Variants in AOAH observed in about 807,000 individuals in gnomAD.
The protein encoded by AOAH is acyloxyacyl hydrolase (neutrophil).
A neutral mutation model predicts 92.2 loss-of-function variants in AOAH; 64 were observed. That is an observed-to-expected ratio of 0.69 (90% CI 0.57 to 0.86). The LOEUF is 0.86. Among genes scored for constraint, AOAH ranks in the 40% least tolerant of loss-of-function variants. AOAH has a pLI of 0.00. For missense variants in AOAH, 656 were observed against 694.6 expected, an observed-to-expected ratio of 0.94 and a Z score of 0.62; for synonymous variants, 263 against 254.5, an observed-to-expected ratio of 1.03 and a Z score of -0.32.
chr7:36,656,023 G>C (rs1256076596), intron 4 of AOAH, among the ~76,000 whole-genome samples: 1 of 152,224 alleles, frequency 6.6e-6, no homozygotes, highest in Non-Finnish European at 1.5e-5. Flanking sequence ...TGGAAGGACA[G>C]AGTGAGAAAT....
chr7:36,560,912 A>G (rs1312657094), intron 13 of AOAH, among the ~76,000 whole-genome samples: 2 of 151,802 alleles, frequency 1.3e-5, no homozygotes, highest in African/African-American at 4.8e-5. Context: ...TCCTTTACCT[A>G]CTCCATCCAT....
chr7:36,535,395 G>T (rs571501378), intron 16 of AOAH, among the ~76,000 whole-genome samples: 2 of 152,288 alleles, frequency 1.3e-5, no homozygotes, highest in South Asian at 2.1e-4. Flanking sequence ...TACCAACAAA[G>T]ATCAGGCACA....
intron 3 of AOAH, among the ~76,000 whole-genome samples, chr7:36,669,981 G>A (rs887135557): frequency 1.3e-5 from 2 of 152,192 alleles, no homozygotes; most frequent in African/African-American, 4.8e-5. Context: ...TCACTGGCTG[G>A]GATTGAGCTG....
chr7:36,529,758 A>C (rs1050424973), intron 19 of AOAH, among the ~76,000 whole-genome samples: 1 of 152,232 alleles, frequency 6.6e-6, no homozygotes, highest in African/African-American at 2.4e-5. Context: ...ACAGTCAATA[A>C]GCAATAATTT....
rs190260323 is a variant in AOAH, at chr7:36,527,756, G to A, written c.1522+2662C>T. Among the ~76,000 whole-genome samples, 3 of 152,320 alleles carry A rather than the reference G, an allele frequency of 2.0e-5. No homozygotes were observed. The East Asian group carries it at 5.8e-4, about 29-fold the overall frequency. ...ACCCAGCTATTCTGTGTCTGAGCTG[G>A]AATAGGAAGACAGTTGTAAATTCTG... On this transcript the variant is annotated intron_variant, in intron 19 of 20. Transcript: ENST00000617537.
chr7:36,562,325 T>G (rs1039143849), intron 13 of AOAH, among the ~76,000 whole-genome samples: 1 of 152,184 alleles, frequency 6.6e-6, no homozygotes, highest in Admixed American at 6.5e-5. Context: ...AAATACGGAC[T>G]GCAGCAAGAA....
At position 36,530,532 on chromosome 7, in the gene AOAH, A is replaced by G; in HGVS notation, c.1426-18T>C. 1.3e-6 allele frequency: 2 copies of G among 1,552,098 alleles called. No individual in the cohort carries two copies. Among genetic ancestry groups the G allele is most frequent in the Non-Finnish European group, 1.8e-6 (2 of 1,124,904 alleles). On this transcript the variant is annotated intron_variant, in intron 18 of 20. Coordinates refer to ENST00000617537, the MANE Select transcript of AOAH (RefSeq NM_001637.4). ...TCTGCTCTCTGAAGAGAGAGGAAAC[A>G]GGGAGAATTTCATGAAATCTAGACT...
intron 20 of AOAH, among the ~76,000 whole-genome samples, chr7:36,519,019 A>T (rs1783972051): frequency 6.6e-6 from 1 of 152,206 alleles, no homozygotes; most frequent in African/African-American, 2.4e-5. Flanking sequence ...AAATCTTTTT[A>T]AAATACAACT....
In AOAH at chr7:36,718,897, C is replaced by T. The variant is rs912259788; in HGVS notation, c.127+5125G>A. ...GCACAACTCATGAATATACTAAATGCCACTTTTACACTTTAAAAGAGTGAA... is the reference window on the plus strand; with the variant it reads ...GCACAACTCATGAATATACTAAATGTCACTTTTACACTTTAAAAGAGTGAA... On this transcript the variant is annotated intron_variant, in intron 1 of 20. Coordinates refer to ENST00000617537, the MANE Select transcript of AOAH (RefSeq NM_001637.4). 2.0e-5 allele frequency among the ~76,000 whole-genome samples: 3 copies of T among 152,098 alleles called. 1 individual carries two copies. The highest frequency in any genetic ancestry group is 7.2e-5 in the African/African-American group (3 of 41,414).
At position 36,660,403 on chromosome 7, in the gene AOAH, C is replaced by T. The variant is rs113715381; in HGVS notation, c.291-1138G>A. ...TAATCTCTGCTAACTGCAACCTCCG[C>T]CCCCTGGGTTCAAGTGATTCTTCTG... is the stretch of plus-strand genomic sequence containing the variant. On this transcript the variant is annotated intron_variant, in intron 3 of 20. Transcript: ENST00000617537. Among the ~76,000 whole-genome samples, 1,183 of 152,268 alleles carry T rather than the reference C, an allele frequency of 7.8e-3. 15 individuals carry two copies. Among genetic ancestry groups the T allele is most frequent in the African/African-American group, 0.027 (1,133 of 41,542 alleles).
intron 18 of AOAH, among the ~76,000 whole-genome samples, chr7:36,531,211 C>T (rs1219615753): frequency 2.0e-5 from 3 of 152,180 alleles, no homozygotes; most frequent in Non-Finnish European, 4.4e-5. Context: ...GGAAGACATA[C>T]ACATATACTA....
intron 4 of AOAH, among the ~76,000 whole-genome samples, chr7:36,656,616 G>A (rs1178220777): frequency 1.3e-5 from 2 of 151,984 alleles, no homozygotes; most frequent in Non-Finnish European, 2.9e-5. Flanking sequence ...AGAGACCCTG[G>A]GGTTGTATGT....
chr7:36,582,102 G>T (rs1467604980), intron 12 of AOAH, among the ~76,000 whole-genome samples: 1 of 152,158 alleles, frequency 6.6e-6, no homozygotes, highest in African/African-American at 2.4e-5. Flanking sequence ...TGCATAATGA[G>T]GCTAAACTAT....
intron 16 of AOAH, among the ~76,000 whole-genome samples, chr7:36,535,372 C>T (rs6462684): frequency 0.91 from 138,685 of 152,186 alleles, 64,405 homozygotes; most frequent in South Asian, 1. Context: ...TCTTAGGTAC[C>T]GTAGAAACTT....
At chr7:36,702,092 T>C (rs1398996204) in intron 1 of AOAH, among the ~76,000 whole-genome samples, 1 of 152,170 alleles carries the variant, frequency 6.6e-6, no homozygotes, top group East Asian at 1.9e-4. Flanking sequence ...ATTTTTGTCA[T>C]ACATTTTATA....
chr7:36,694,191 C>G (rs1385558491), intron 1 of AOAH, among the ~76,000 whole-genome samples: 1 of 151,984 alleles, frequency 6.6e-6, no homozygotes, highest in African/African-American at 2.4e-5. Context: ...TTAGCAAGAC[C>G]CTGTGAAAGC....
At chr7:36,517,156 G>GTCTTTCTTTCTTTCTCTCTT (rs1783773173) in intron 20 of AOAH, among the ~76,000 whole-genome samples, 1 of 95,432 alleles carries the variant, frequency 1.0e-5, no homozygotes, top group African/African-American at 4.1e-5. Flanking sequence ...ATCCATGTTA[G>GTCTTTCTTTCTTTCTCTCTT]TCTTTCTTTC....
chr7:36,517,228 C>CTG (rs200489121), intron 20 of AOAH, among the ~76,000 whole-genome samples: 1,793 of 54,714 alleles, frequency 0.033, 77 homozygotes, highest in Non-Finnish European at 0.047. Flanking sequence ...TTCTTTCTGT[C>CTG]TCTCTCTCTC....
At chr7:36,656,106 A>G (rs1369383912) in intron 4 of AOAH, among the ~76,000 whole-genome samples, 1 of 152,080 alleles carries the variant, frequency 6.6e-6, no homozygotes, top group Non-Finnish European at 1.5e-5. Context: ...TGTGGCATCA[A>G]TGTGGAAAAA....
Sources: allele counts gnomAD v4.1 joint callset (sites outside exome capture counted in the v4.1 genomes callset), GRCh38; gene constraint gnomAD v4.1.1; transcripts MANE v1.5; gene names NCBI Gene and HGNC (gene_info 2026-07-23, HGNC 2026-07-21).